The following SLC14A2 variants were observed in gnomAD, a reference collection of about 807,000 sequenced individuals.
The protein encoded by SLC14A2 is solute carrier family 14 member 2, also known as urea transporter 2.
In SLC14A2, 91 loss-of-function variants were observed where a neutral mutation model predicts 104.6. That is an observed-to-expected ratio of 0.87 (90% confidence interval 0.73 to 1.04). The LOEUF (loss-of-function observed/expected upper bound fraction) is 1.04, where lower values mean the gene tolerates loss of function less well. SLC14A2 is among the 50% of genes least tolerant of loss of function. SLC14A2 has a pLI of 0.00. For synonymous variants in SLC14A2, 476 were observed against 466.4 expected (o/e 1.02, Z -0.27); for missense variants, 1,189 against 1,156.0 (o/e 1.03, Z -0.41).
intron 1 of SLC14A2, among the ~76,000 whole-genome samples, chr18:45,391,203 G>A (rs568897969): frequency 6.6e-6 from 1 of 152,080 alleles, no homozygotes; most frequent in Admixed American, 6.5e-5. Flanking sequence ...GAGATAGTTT[G>A]CTGAGAATGA....
chr18:45,437,561 T>A lies in SLC14A2; in HGVS notation c.-124-45672T>A, dbSNP rs372471437. ...TGCTAGCCACCCTCATGTCATGCGG[T>A]CTATCATCCCCATGCACACCAGCCT... is the stretch of plus-strand genomic sequence containing the variant. On this transcript the variant is annotated intron_variant, in intron 1 of 20. Transcript: ENST00000586448. 1.8e-3 allele frequency among the ~76,000 whole-genome samples: 272 copies of A among 152,250 alleles called. 1 individual carries two copies. The highest frequency in any genetic ancestry group is 6.4e-3 in the African/African-American group (267 of 41,552).
At chr18:45,487,172 A>G (rs1293152232) in intron 2 of SLC14A2, among the ~76,000 whole-genome samples, 3 of 152,196 alleles carry the variant, frequency 2.0e-5, no homozygotes, top group African/African-American at 7.2e-5. Context: ...AAAAGAATCT[A>G]TTTCCTTGCC....
intron 1 of SLC14A2, among the ~76,000 whole-genome samples, chr18:45,247,919 T>C (rs1832131516): frequency 6.6e-6 from 1 of 152,136 alleles, no homozygotes. Context: ...TTACAATTCC[T>C]GATTCCTGGT....
chr18:45,448,992 G>A (rs1413296399), intron 1 of SLC14A2, among the ~76,000 whole-genome samples: 2 of 152,226 alleles, frequency 1.3e-5, no homozygotes, highest in African/African-American at 4.8e-5. Context: ...GAGCAGATGG[G>A]CATGTGGAGC....
At chr18:45,538,115 A>G (rs1451244431) in intron 2 of SLC14A2, among the ~76,000 whole-genome samples, 1 of 152,212 alleles carries the variant, frequency 6.6e-6, no homozygotes, top group Non-Finnish European at 1.5e-5. Flanking sequence ...GTGCCCTTCC[A>G]TGCAGGTGGG....
At chr18:45,639,921 C>T (rs1387452932) in intron 7 of SLC14A2, 28 bp downstream of exon 7, 1 of 1,602,774 alleles carries the variant, frequency 6.2e-7, no homozygotes. Flanking sequence ...CTCTTCAGGT[C>T]CTCAGGATAA....
At chr18:45,220,150 G>A (rs1018938788) in intron 1 of SLC14A2, among the ~76,000 whole-genome samples, 1 of 151,690 alleles carries the variant, frequency 6.6e-6, no homozygotes, top group African/African-American at 2.4e-5. Flanking sequence ...TCCTAATAGA[G>A]CTAGGAAGTA....
chr18:45,360,869 T>C (rs2085603119), intron 1 of SLC14A2, among the ~76,000 whole-genome samples: 1 of 152,216 alleles, frequency 6.6e-6, no homozygotes, highest in Non-Finnish European at 1.5e-5. Context: ...TTTTGTAGTG[T>C]TGTACATTGA....
chr18:45,469,332 G>C (rs1466213294), intron 1 of SLC14A2, among the ~76,000 whole-genome samples: 2 of 152,190 alleles, frequency 1.3e-5, no homozygotes, highest in African/African-American at 4.8e-5. Context: ...GGAGACCCTG[G>C]AACAAAGGAG....
At chr18:45,171,182 A>G in the SLC14A2 span, among the ~76,000 whole-genome samples, 1 of 152,176 alleles carries the variant, frequency 6.6e-6, no homozygotes, top group Non-Finnish European at 1.5e-5. Context: ...TATGTTCATG[A>G]AACATACTTG....
At chr18:45,472,623 C>A (rs536087156) in intron 1 of SLC14A2, among the ~76,000 whole-genome samples, 1 of 152,254 alleles carries the variant, frequency 6.6e-6, no homozygotes, top group African/African-American at 2.4e-5. Context: ...TCTCTAATGA[C>A]CGGTGATGAT....
At chr18:45,670,205 T>C (rs914447627) in intron 16 of SLC14A2, among the ~76,000 whole-genome samples, 3 of 152,162 alleles carry the variant, frequency 2.0e-5, no homozygotes, top group African/African-American at 4.8e-5. Flanking sequence ...TACTACACCA[T>C]GCTGTTGGTT....
At chr18:45,527,877 A>ATG (rs1258794554) in intron 2 of SLC14A2, 9 of 152,186 alleles carry the variant, frequency 5.9e-5, no homozygotes, top group African/African-American at 1.9e-4. Context: ...TTGTGACCAA[A>ATG]TCAACAGCTC....
At chr18:45,521,030 G>C (rs2043509590) in intron 2 of SLC14A2, among the ~76,000 whole-genome samples, 1 of 152,178 alleles carries the variant, frequency 6.6e-6, no homozygotes, top group African/African-American at 2.4e-5. Flanking sequence ...GCCCAGGCAA[G>C]AGTAGTGTCT....
At chr18:45,299,930 G>A (rs2084952079) in intron 1 of SLC14A2, among the ~76,000 whole-genome samples, 1 of 152,122 alleles carries the variant, frequency 6.6e-6, no homozygotes, top group Non-Finnish European at 1.5e-5. Flanking sequence ...GATGCTTGTG[G>A]CTGGGGTGAA....
At chr18:45,366,496 G>T (rs2085667150) in intron 1 of SLC14A2, among the ~76,000 whole-genome samples, 1 of 152,158 alleles carries the variant, frequency 6.6e-6, no homozygotes, top group African/African-American at 2.4e-5. Context: ...GTGGAAGATG[G>T]ATCCCCAGCA....
intron 18 of SLC14A2, among the ~76,000 whole-genome samples, chr18:45,675,308 T>C (rs571189133): frequency 1.1e-4 from 17 of 152,330 alleles, no homozygotes; most frequent in African/African-American, 3.8e-4. Flanking sequence ...TTTTATCATT[T>C]TTAGAAGCTG....
At chr18:45,463,734 T>C (rs2087087919) in intron 1 of SLC14A2, among the ~76,000 whole-genome samples, 1 of 152,142 alleles carries the variant, frequency 6.6e-6, no homozygotes, top group South Asian at 2.1e-4. Context: ...CACTGAACCC[T>C]ATGGACATGA....
Position 45,400,147 on chromosome 18 carries a change from G to A in SLC14A2, c.-124-83086G>A, listed in dbSNP as rs536177102. On this transcript the variant is annotated intron_variant, in intron 1 of 20. Transcript: ENST00000586448. ...ACATATCGTACACTCCTCACACAGA[G>A]ACCCCAATCAAGTTACACTAAATGC... 2.6e-5 allele frequency among the ~76,000 whole-genome samples: 4 copies of A among 152,286 alleles called. No homozygotes were observed. In the East Asian group the frequency reaches 7.7e-4, roughly 29 times the overall value.
Sources: gnomAD v4.1 joint callset for allele counts (sites outside exome capture counted in the v4.1 genomes callset) on GRCh38, gnomAD v4.1.1 for gene constraint, MANE v1.5 for transcripts, NCBI Gene and HGNC (gene_info 2026-07-23, HGNC 2026-07-21) for gene names.